Variants in KYNU observed in about 807,000 individuals in gnomAD.
KYNU encodes L-kynurenine hydrolase.
Under a neutral mutation model 59.2 loss-of-function variants are expected in KYNU, and 54 were observed. That is an observed-to-expected ratio of 0.91 (90% confidence interval 0.73 to 1.14). The LOEUF is 1.14. Among genes scored for constraint, KYNU ranks in the 50% most tolerant of loss-of-function variants. The pLI is 0.00. For missense variants in KYNU, 567 were observed against 554.4 expected (o/e 1.02, Z -0.23); for synonymous variants, 177 against 192.0 (o/e 0.92, Z 0.65).
At chr2:142,945,610 A>G (rs1385229732) in intron 4 of KYNU, among the ~76,000 whole-genome samples, 1 of 152,126 alleles carries the variant, frequency 6.6e-6, no homozygotes, top group Non-Finnish European at 1.5e-5. Flanking sequence ...CCCAATAATC[A>G]TGAATGTTCT....
chr2:142,893,423 G>C (rs1440418512), intron 2 of KYNU, among the ~76,000 whole-genome samples: 1 of 152,184 alleles, frequency 6.6e-6, no homozygotes, highest in Non-Finnish European at 1.5e-5. Context: ...TTAGCAGTCA[G>C]GAGAGCTTTA....
chr2:142,942,732 G>A (rs1208429269), intron 4 of KYNU, among the ~76,000 whole-genome samples: 1 of 152,180 alleles, frequency 6.6e-6, no homozygotes, highest in Non-Finnish European at 1.5e-5. Flanking sequence ...GGCCAAGTGG[G>A]CAACTTGAGA....
At chr2:142,965,456 G>T (rs1010279180) in intron 8 of KYNU, among the ~76,000 whole-genome samples, 1 of 152,134 alleles carries the variant, frequency 6.6e-6, no homozygotes, top group African/African-American at 2.4e-5. Context: ...GCAAGGGGCT[G>T]CTGGGGTCCA....
At chr2:142,947,134 T>G in intron 4 of KYNU, 1 of 1,551,004 alleles carries the variant, frequency 6.4e-7, no homozygotes, top group Non-Finnish European at 8.7e-7. Context: ...CCCAACACAA[T>G]CAACCTGGAA....
chr2:142,990,986 A>G (rs1279828032), intron 10 of KYNU, among the ~76,000 whole-genome samples: 2 of 151,930 alleles, frequency 1.3e-5, no homozygotes. Flanking sequence ...CTATTTGGCA[A>G]CAACATTAGA....
chr2:142,990,430 A>C (rs561025118), intron 10 of KYNU, among the ~76,000 whole-genome samples: 1 of 151,990 alleles, frequency 6.6e-6, no homozygotes, highest in South Asian at 2.1e-4. Context: ...AGGGGATTCA[A>C]AGCTTTGTGA....
At chr2:142,969,427 T>C (rs1321786876) in intron 8 of KYNU, among the ~76,000 whole-genome samples, 1 of 152,198 alleles carries the variant, frequency 6.6e-6, no homozygotes, top group Non-Finnish European at 1.5e-5. Context: ...AAGATTGTTT[T>C]GTTCAGACAG....
In KYNU at chr2:143,042,100, T is replaced by C. The variant is rs1216847275; in HGVS notation, c.1326T>C (p.Asn442=). ...GAGTGGCTCCAGTTCCTCTCTATAA[T>C]TCTTTCCATGATGTTTATAAATTTA... The part of the protein sequence containing the change: ...GIRVAPVPLY[N]SFHDVYKFTN... The change falls in exon 14 of 14, where the codon AAT becomes AAC. Residue 442 remains asparagine, a synonymous_variant. Coordinates refer to ENST00000264170, the MANE Select transcript of KYNU (RefSeq NM_003937.3). The C allele has an allele frequency of 1.2e-6, 2 of 1,611,544 alleles. No homozygotes were observed. The highest frequency in any genetic ancestry group is 8.5e-7 in the Non-Finnish European group (1 of 1,178,330).
At chr2:142,955,090 C>G (rs1378841931) in intron 5 of KYNU, among the ~76,000 whole-genome samples, 1 of 151,860 alleles carries the variant, frequency 6.6e-6, no homozygotes, top group African/African-American at 2.4e-5. Context: ...ATGAACAGTT[C>G]TTGTCTGGGA....
At chr2:142,990,342 A>G (rs1279964851) in intron 10 of KYNU, among the ~76,000 whole-genome samples, 1 of 151,866 alleles carries the variant, frequency 6.6e-6, no homozygotes, top group Admixed American at 6.6e-5. Context: ...AACATTGTAA[A>G]TTTTGAATGT....
At chr2:143,002,253 A>T (rs1330015458) in intron 10 of KYNU, among the ~76,000 whole-genome samples, 1 of 152,250 alleles carries the variant, frequency 6.6e-6, no homozygotes, top group Non-Finnish European at 1.5e-5. Flanking sequence ...GTAAACAATC[A>T]TATTGTACTT....
In KYNU at chr2:143,052,727, A is replaced by G. The variant is rs565912654; in HGVS notation, c.*10555A>G. ...TCAGAGGATGTATGGAAATGCCTGGATGCCCAGGCAGAAGTTTGCTGCAGG... is the reference window on the plus strand; with the variant it reads ...TCAGAGGATGTATGGAAATGCCTGGGTGCCCAGGCAGAAGTTTGCTGCAGG... On this transcript the variant is annotated 3_prime_UTR_variant, in exon 14 of 14. Transcript: ENST00000264170. 6.6e-6 allele frequency: 1 copy of G among 152,458 alleles called. No homozygotes were observed. Among genetic ancestry groups the G allele is most frequent in the South Asian group, 2.1e-4 (1 of 4,834 alleles). 9.4% of individuals were successfully genotyped at this position (152,458 alleles called of 1,614,324 possible).
intron 4 of KYNU, among the ~76,000 whole-genome samples, chr2:142,938,310 C>T (rs991344481): frequency 3.7e-4 from 56 of 151,980 alleles, no homozygotes; most frequent in African/African-American, 1.1e-3. Flanking sequence ...TAAATTTATC[C>T]GAGTATAATT....
chr2:143,024,376 T>C (rs1686493953), intron 10 of KYNU, among the ~76,000 whole-genome samples: 1 of 152,060 alleles, frequency 6.6e-6, no homozygotes, highest in Non-Finnish European at 1.5e-5. Context: ...ATATGTCATT[T>C]TGTTATAGTT....
intron 2 of KYNU, among the ~76,000 whole-genome samples, chr2:142,906,884 T>C (rs1248366860): frequency 2.6e-5 from 4 of 151,974 alleles, no homozygotes; most frequent in Non-Finnish European, 1.5e-5. Context: ...CCTAGGAAAA[T>C]TGTGAAAGTG....
At chr2:142,945,640 AG>A (rs1683746810) in intron 4 of KYNU, among the ~76,000 whole-genome samples, 1 of 152,188 alleles carries the variant, frequency 6.6e-6, no homozygotes, top group South Asian at 2.1e-4. Flanking sequence ...CTAGAATGGT[AG>A]ATCCTTTCCA....
In KYNU at chr2:143,054,198, A is replaced by G. The variant is rs576405302; in HGVS notation, c.*12026A>G. 14 of 152,208 alleles carry G rather than the reference A, an allele frequency of 9.2e-5. 1 individual carries two copies. The South Asian group carries it at 2.9e-3, about 32-fold the overall frequency. The allele number at this position is 152,208 out of a possible 1,614,324, so 9.4% of individuals were successfully genotyped here. On this transcript the variant is annotated 3_prime_UTR_variant, in exon 14 of 14. Coordinates refer to ENST00000264170, the MANE Select transcript of KYNU (RefSeq NM_003937.3). Reference sequence around the variant, plus strand: ...TTCTTTTTAAATTTTAGATTCTACAATATCTCCAATTCTTCAGTTTATTCC... The same window carrying G: ...TTCTTTTTAAATTTTAGATTCTACAGTATCTCCAATTCTTCAGTTTATTCC...
intron 2 of KYNU, among the ~76,000 whole-genome samples, chr2:142,895,575 C>T (rs1681841188): frequency 6.6e-6 from 1 of 152,082 alleles, no homozygotes; most frequent in South Asian, 2.1e-4. Flanking sequence ...TGAATAGCTA[C>T]TATTAACATT....
Position 143,029,654 on chromosome 2 carries a change from C to T in KYNU, c.930C>T (p.Leu310=), listed in dbSNP as rs1686687821. 5 of 1,594,776 alleles carry T rather than the reference C, an allele frequency of 3.1e-6. No individual in the cohort carries two copies. In the South Asian group the frequency reaches 4.4e-5, roughly 14 times the overall value. The change falls in exon 11 of 14, where the codon CTC becomes CTT. Residue 310 remains leucine (L), a synonymous_variant. Coordinates refer to ENST00000264170, the MANE Select transcript of KYNU (RefSeq NM_003937.3). ...TAGTGGGATGGTTTGGCCATGAACTCAGCACCAGATTTAAGATGGATAACA... is the reference window on the plus strand; with the variant it reads ...TAGTGGGATGGTTTGGCCATGAACTTAGCACCAGATTTAAGATGGATAACA... ...PALVGWFGHE[L]STRFKMDNKL... is the part of the protein sequence containing the mutation.
Sources: gnomAD v4.1 joint callset for allele counts (sites outside exome capture counted in the v4.1 genomes callset) on GRCh38, gnomAD v4.1.1 for gene constraint, MANE v1.5 for transcripts, NCBI Gene and HGNC (gene_info 2026-07-23, HGNC 2026-07-21) for gene names.